Variants in FAM149B1 observed in about 807,000 individuals in gnomAD.
FAM149B1 encodes primary cilium assembly protein FAM149B1.
FAM149B1 carries 56 observed loss-of-function variants against 75.3 expected under a neutral mutation model. The ratio of observed to expected loss-of-function variants is 0.74; its 90% CI spans 0.60 to 0.93. FAM149B1 has a LOEUF of 0.93. Ranked by LOEUF, FAM149B1 falls within the 40% of genes least tolerant of loss-of-function variation. FAM149B1 has a pLI of 0.00. For missense variants in FAM149B1, 639 were observed against 708.4 expected, an observed-to-expected ratio of 0.90 and a Z score of 1.11; for synonymous variants, 259 against 256.1, an observed-to-expected ratio of 1.01 and a Z score of -0.11.
chr10:73,171,191 G>T (rs559492754), intron 1 of FAM149B1, among the ~76,000 whole-genome samples: 31 of 152,162 alleles, frequency 2.0e-4, no homozygotes, highest in African/African-American at 7.5e-4. Context: ...TGTCTGCCTC[G>T]GTCTCCCAAA....
rs1454654279 is a variant in FAM149B1 at position 73,234,796 on chromosome 10, G to GT, written c.1353-18dup. 1.8e-5 allele frequency: 28 copies of GT among 1,550,502 alleles called. 1 individual carries two copies. Among genetic ancestry groups the GT allele is most frequent in the South Asian group, 1.2e-5 (1 of 83,974 alleles). ...TAACTTCATGCTTTCATACCTTCGTGTTTGTTGGTGGGATCTGCAGCCCAG... is the reference window on the plus strand; with the variant it reads ...TAACTTCATGCTTTCATACCTTCGTGTTTTGTTGGTGGGATCTGCAGCCCAG... On this transcript the variant is annotated intron_variant, in intron 10 of 13. Transcript: ENST00000242505.
chr10:73,243,040 A>C lies in FAM149B1; in HGVS notation c.*2021A>C. On this transcript the variant is annotated 3_prime_UTR_variant, in exon 14 of 14. Coordinates refer to ENST00000242505, the MANE Select transcript of FAM149B1 (RefSeq NM_173348.2). Reference sequence around the variant, plus strand: ...GGTGTTCTAGCTGGGTAGAGAGCCTATTCTAACAGACACGCACATCGCAGA... The same window carrying C: ...GGTGTTCTAGCTGGGTAGAGAGCCTCTTCTAACAGACACGCACATCGCAGA... 1 of 202,552 alleles carries C rather than the reference A, an allele frequency of 4.9e-6. No individual in the cohort carries two copies. The highest frequency in any genetic ancestry group is 1.0e-5 in the Non-Finnish European group (1 of 99,286). 12.5% of individuals were successfully genotyped at this position (202,552 alleles called of 1,614,324 possible).
intron 2 of FAM149B1, among the ~76,000 whole-genome samples, chr10:73,176,365 G>C (rs750239647): frequency 5.3e-5 from 8 of 152,176 alleles, no homozygotes; most frequent in Non-Finnish European, 1.2e-4. Flanking sequence ...ACAGGCCACA[G>C]ACCAGCACCG....
intron 5 of FAM149B1, among the ~76,000 whole-genome samples, chr10:73,196,592 A>G (rs1210088644): frequency 2.0e-5 from 3 of 152,208 alleles, no homozygotes; most frequent in African/African-American, 7.2e-5. Context: ...TAAAAATAAC[A>G]TTTCAAATTA....
At position 73,208,192 on chromosome 10, in the gene FAM149B1, C is replaced by T. The variant is rs146446588; in HGVS notation, c.543-427C>T. 1.9e-3 allele frequency among the ~76,000 whole-genome samples: 293 copies of T among 152,344 alleles called. 3 individuals are homozygous for T. Among genetic ancestry groups the T allele is most frequent in the African/African-American group, 6.6e-3 (276 of 41,582 alleles). On this transcript the variant is annotated intron_variant, in intron 5 of 13. Transcript: ENST00000242505. ...AAAAGTGTGTGGCACCTCTCTTGCT[C>T]CTGCTCCCACTTAACATTCCCCCAT...
chr10:73,235,288 C>T lies in FAM149B1; in HGVS notation c.1572C>T (p.Phe524=), dbSNP rs1412590394. Residue 524 remains phenylalanine (F), a synonymous_variant, in exon 12 of 14, where the codon TTC becomes TTT. Transcript: ENST00000242505. ...AAAGGCTCCTTTTGCCCGACTTTTT[C>T]CCCAGGCCCAACACAACTCAATCAT... ...PQERLLLPDF[F]PRPNTTQSFL... 6.4e-7 allele frequency: 1 copy of T among 1,552,094 alleles called. No homozygotes were observed. The highest frequency in any genetic ancestry group is 8.7e-7 in the Non-Finnish European group (1 of 1,147,032).
chr10:73,168,189 T>C lies in FAM149B1; in HGVS notation c.-151T>C. ...GTGGGGACCCTGGGGAGGTGGCTGCTCGGAGTCTAGGTGACGGGGCGAGAC... is the reference window on the plus strand; with the variant it reads ...GTGGGGACCCTGGGGAGGTGGCTGCCCGGAGTCTAGGTGACGGGGCGAGAC... On this transcript the variant is annotated 5_prime_UTR_variant, in exon 1 of 14. Transcript: ENST00000242505. 1 of 773,636 alleles carries C rather than the reference T, an allele frequency of 1.3e-6. No homozygotes were observed. The highest frequency in any genetic ancestry group is 2.0e-6 in the Non-Finnish European group (1 of 494,154). The allele number at this position is 773,636 out of a possible 1,614,324, so 47.9% of individuals were successfully genotyped here.
intron 5 of FAM149B1, among the ~76,000 whole-genome samples, chr10:73,204,507 G>A (rs2043005812): frequency 6.6e-6 from 1 of 152,030 alleles, no homozygotes; most frequent in Non-Finnish European, 1.5e-5. Context: ...GTGTAAATTG[G>A]TTATATTTAA....
chr10:73,197,887 T>C (rs2133345512), intron 5 of FAM149B1, among the ~76,000 whole-genome samples: 1 of 152,328 alleles, frequency 6.6e-6, no homozygotes, highest in East Asian at 1.9e-4. Flanking sequence ...AGAAAAACTA[T>C]GCATTCTGCT....
At chr10:73,230,184 A>G (rs2043652525) in intron 8 of FAM149B1, 1 of 394,850 alleles carries the variant, frequency 2.5e-6, no homozygotes, top group South Asian at 3.5e-5. Context: ...GTTTTCATCC[A>G]GATTGATCAG....
chr10:73,226,599 T>G (rs1462566551), intron 7 of FAM149B1, among the ~76,000 whole-genome samples: 4 of 152,234 alleles, frequency 2.6e-5, no homozygotes, highest in Non-Finnish European at 5.9e-5. Flanking sequence ...TTGCTTAACT[T>G]CTTTGAGCCT....
intron 2 of FAM149B1, among the ~76,000 whole-genome samples, chr10:73,176,883 TG>T (rs1843989500): frequency 6.6e-6 from 1 of 151,780 alleles, no homozygotes; most frequent in Non-Finnish European, 1.5e-5. Context: ...AAAAATTGGC[TG>T]GGGGTGGTGG....
At chr10:73,221,988 T>C (rs925208596) in intron 7 of FAM149B1, among the ~76,000 whole-genome samples, 23 of 152,216 alleles carry the variant, frequency 1.5e-4, no homozygotes, top group Non-Finnish European at 3.1e-4. Context: ...GAGACATATA[T>C]ATTTTCCATG....
At chr10:73,182,431 C>T (rs947657046) in intron 3 of FAM149B1, among the ~76,000 whole-genome samples, 6 of 152,114 alleles carry the variant, frequency 3.9e-5, no homozygotes, top group South Asian at 2.1e-4. Flanking sequence ...AGGCTGGTCT[C>T]GAACTCCTGA....
At chr10:73,184,988 CATT>C (rs1419187392) in intron 3 of FAM149B1, among the ~76,000 whole-genome samples, 2 of 152,042 alleles carry the variant, frequency 1.3e-5, no homozygotes, top group African/African-American at 4.8e-5. Context: ...ATTGACAAAT[CATT>C]AGTTGGTTTG....
chr10:73,169,701 C>T (rs1407006272), intron 1 of FAM149B1, among the ~76,000 whole-genome samples: 3 of 152,140 alleles, frequency 2.0e-5, no homozygotes, highest in Non-Finnish European at 4.4e-5. Context: ...TGGACTCAAG[C>T]GGTTCTCCCA....
At chr10:73,175,009 G>T (rs150631235) in intron 2 of FAM149B1, among the ~76,000 whole-genome samples, 8 of 152,058 alleles carry the variant, frequency 5.3e-5, no homozygotes, top group Non-Finnish European at 1.2e-4. Context: ...AAGTAGTTAA[G>T]AACACGGATA....
chr10:73,211,141 G>C (rs764118129), intron 7 of FAM149B1, among the ~76,000 whole-genome samples: 1 of 152,140 alleles, frequency 6.6e-6, no homozygotes, highest in Admixed American at 6.5e-5. Context: ...AGAGAGACTA[G>C]GTCTCTCTGA....
chr10:73,241,349 T>C lies in FAM149B1; in HGVS notation c.*330T>C. The stretch of plus-strand genomic sequence containing the variant: ...AATGATCAGTTCAATCATATAGGAT[T>C]TGATGAGCTCACACATACACAAAAA... On this transcript the variant is annotated 3_prime_UTR_variant, in exon 14 of 14. Coordinates refer to ENST00000242505, the MANE Select transcript of FAM149B1 (RefSeq NM_173348.2). 3 of 305,390 alleles carry C rather than the reference T, an allele frequency of 9.8e-6. No homozygotes were observed. Among genetic ancestry groups the C allele is most frequent in the South Asian group, 9.5e-5 (3 of 31,688 alleles). The allele number at this position is 305,390 out of a possible 1,614,324, so 18.9% of individuals were successfully genotyped here.
Sources: gnomAD v4.1 joint callset for allele counts (sites outside exome capture counted in the v4.1 genomes callset) on GRCh38, gnomAD v4.1.1 for gene constraint, MANE v1.5 for transcripts, NCBI Gene and HGNC (gene_info 2026-07-23, HGNC 2026-07-21) for gene names.